Variants in WDR44 observed in about 807,000 individuals in gnomAD.
WDR44 encodes the protein WD repeat domain 44.
A neutral mutation model predicts 65.7 loss-of-function variants in WDR44; 9 were observed. The ratio of observed to expected loss-of-function variants is 0.14; its 90% CI spans 0.08 to 0.24. The LOEUF is 0.24. Ranked by LOEUF, WDR44 falls within the 10% of genes least tolerant of loss-of-function variation. The probability of loss-of-function intolerance (pLI) is 1.00; values close to 1 mark genes in which losing one functional copy is unlikely to be tolerated. For missense variants in WDR44, 425 were observed against 670.9 expected (o/e 0.63, Z 4.05); for synonymous variants, 220 against 235.2 (o/e 0.94, Z 0.59).
intron 10 of WDR44, among the ~76,000 whole-genome samples, chrX:118,407,515 AAAAG>A (rs1232581895): frequency 1.6e-3 from 173 of 110,593 alleles, no homozygotes; most frequent in Non-Finnish European, 2.7e-3. Context: ...AAAAAAAAAA[AAAAG>A]AAAGAAAGGA....
chrX:118,444,924 C>G (rs2057333606), intron 19 of WDR44: 2 of 329,306 alleles, frequency 6.1e-6, no homozygotes, highest in South Asian at 5.2e-5. Flanking sequence ...TAATGGTTGT[C>G]AGATATCCAT....
intron 2 of WDR44, among the ~76,000 whole-genome samples, chrX:118,378,735 T>TGTGTGTGTGTGTGTGTGTG (rs1556057149): frequency 1.0e-4 from 11 of 106,446 alleles, no homozygotes; most frequent in South Asian, 4.1e-4. Context: ...TGTGTGTGTG[T>TGTGTGTGTGTGTGTGTGTG]TGAAAAAGTG....
intron 12 of WDR44, among the ~76,000 whole-genome samples, chrX:118,424,390 A>G (rs2057139270): frequency 9.9e-6 from 1 of 100,545 alleles, no homozygotes; most frequent in Non-Finnish European, 2.0e-5. Context: ...GTGAGGTGAT[A>G]TATCATTGTG....
intron 16 of WDR44, 39 bp downstream of exon 16, chrX:118,442,384 T>C (rs1427100609): frequency 1.9e-6 from 2 of 1,074,259 alleles, no homozygotes; most frequent in African/African-American, 3.7e-5. Context: ...CCATACTATA[T>C]GTAGATTCTT....
At chrX:118,390,755 T>G (rs2056813265) in intron 3 of WDR44, among the ~76,000 whole-genome samples, 1 of 112,351 alleles carries the variant, frequency 8.9e-6, no homozygotes, top group African/African-American at 3.2e-5. Context: ...TTCCTTTGTA[T>G]CATCTTTCAC....
chrX:118,383,351 C>G (rs1196154846), intron 2 of WDR44, among the ~76,000 whole-genome samples: 1 of 111,334 alleles, frequency 9.0e-6, no homozygotes, highest in Non-Finnish European at 1.9e-5. Context: ...CAGTGACTCA[C>G]GCCTGTTATC....
Position 118,378,419 on chromosome X carries a change from G to C in WDR44, c.78G>C (p.Gly26=). 8.3e-7 allele frequency: 1 copy of C among 1,207,074 alleles called. No individual in the cohort carries two copies. The highest frequency in any genetic ancestry group is 1.1e-6 in the Non-Finnish European group (1 of 892,700). ...CCTCCTTACTTTTATTTCTGAACAG[G>C]TCTCCAGGAAAAGTTGGGCTTTCAA... is the stretch of plus-strand genomic sequence containing the variant. The part of the protein sequence containing the change: ...DVHLGGGYPV[G]SPGKVGLSTF... Residue 26 remains glycine (G), a splice_region_variant and synonymous_variant, in exon 2 of 20, where the codon GGG becomes GGC. Coordinates refer to ENST00000254029, the MANE Select transcript of WDR44 (RefSeq NM_019045.5).
chrX:118,346,348 C>T lies in WDR44; in HGVS notation c.-156C>T. The T allele has an allele frequency of 2.1e-6, 1 of 479,341 alleles. No individual in the cohort carries two copies. Among genetic ancestry groups the T allele is most frequent in the Admixed American group, 3.6e-5 (1 of 28,149 alleles). The allele number at this position is 479,341 out of a possible 1,213,427, so 39.5% of individuals were successfully genotyped here. On this transcript the variant is annotated 5_prime_UTR_variant, in exon 1 of 20. Coordinates refer to ENST00000254029, the MANE Select transcript of WDR44 (RefSeq NM_019045.5). Reference sequence around the variant, plus strand: ...CCGGCAACTGAGGGCGGCCCCCTTTCCTTAACAGTCTCCTCGCTACAGATC... The same window carrying T: ...CCGGCAACTGAGGGCGGCCCCCTTTTCTTAACAGTCTCCTCGCTACAGATC...
chrX:118,445,058 G>T (rs1273818601), intron 19 of WDR44: 1 of 315,628 alleles, frequency 3.2e-6, no homozygotes, highest in East Asian at 1.0e-4. Flanking sequence ...CACTTTGGGA[G>T]GCCAAGGCAG....
intron 12 of WDR44, among the ~76,000 whole-genome samples, chrX:118,418,800 C>T (rs1021459910): frequency 4.5e-5 from 5 of 110,641 alleles, no homozygotes; most frequent in Admixed American, 9.6e-5. Flanking sequence ...GAAGGCCCAT[C>T]AGGTGGGGGC....
At chrX:118,386,893 C>T (rs1434153982) in intron 2 of WDR44, among the ~76,000 whole-genome samples, 2 of 110,798 alleles carry the variant, frequency 1.8e-5, no homozygotes, top group Admixed American at 1.9e-4. Context: ...GAAATCTAAG[C>T]CCTTTAGGCT....
At position 118,369,458 on chromosome X, in the gene WDR44, A is replaced by T. The variant is rs931764864; in HGVS notation, c.78-8961A>T. 4.4e-4 allele frequency among the ~76,000 whole-genome samples: 41 copies of T among 94,095 alleles called. 2 individuals carry two copies. In the East Asian group the frequency reaches 5.9e-3, roughly 14 times the overall value. The allele number at this position is 94,095 out of a possible 115,157, so 81.7% of individuals were successfully genotyped here. On this transcript the variant is annotated intron_variant, in intron 1 of 19. Coordinates refer to ENST00000254029, the MANE Select transcript of WDR44 (RefSeq NM_019045.5). The stretch of plus-strand genomic sequence containing the variant: ...AGTGCTGGGATTACAGGTGTGAGCC[A>T]CCACGCCCGGCCTTTTTTTTTTTTT...
chrX:118,390,220 T>C (rs1249151664), intron 3 of WDR44, among the ~76,000 whole-genome samples: 4 of 110,893 alleles, frequency 3.6e-5, no homozygotes, highest in African/African-American at 1.3e-4. Context: ...CCGTGTCCGG[T>C]CACAGTGAGC....
chrX:118,369,698 G>C (rs1414883698), intron 1 of WDR44, among the ~76,000 whole-genome samples: 1 of 110,100 alleles, frequency 9.1e-6, no homozygotes, highest in African/African-American at 3.3e-5. Flanking sequence ...TCAATCTCCT[G>C]ACCTTGTGAT....
intron 1 of WDR44, among the ~76,000 whole-genome samples, chrX:118,371,917 A>G (rs2056616977): frequency 9.0e-6 from 1 of 110,976 alleles, no homozygotes; most frequent in Non-Finnish European, 1.9e-5. Context: ...TAATATGTAA[A>G]AAGGATAAAT....
intron 1 of WDR44, among the ~76,000 whole-genome samples, chrX:118,361,734 G>A (rs2056513695): frequency 9.0e-6 from 1 of 111,517 alleles, no homozygotes; most frequent in African/African-American, 3.3e-5. Flanking sequence ...CTACAGTCTG[G>A]GAAACAGAGA....
intron 10 of WDR44, 75 bp downstream of exon 10, chrX:118,407,101 CTCTT>C (rs1402017967): frequency 2.9e-6 from 3 of 1,035,418 alleles, no homozygotes; most frequent in East Asian, 3.1e-5. Flanking sequence ...ACAAAACTAT[CTCTT>C]TCTATGTATG....
intron 12 of WDR44, among the ~76,000 whole-genome samples, chrX:118,424,323 G>GTGTGTA (rs1289349202): frequency 6.1e-5 from 4 of 65,552 alleles, no homozygotes; most frequent in African/African-American, 4.0e-4. Context: ...GTGTGTGTGT[G>GTGTGTA]TATATATATA....
intron 1 of WDR44, among the ~76,000 whole-genome samples, chrX:118,370,476 A>G (rs1364793512): frequency 9.1e-6 from 1 of 110,489 alleles, no homozygotes; most frequent in Non-Finnish European, 1.9e-5. Context: ...TTGCTATGTG[A>G]TGCATCCCTT....
Sources: allele counts gnomAD v4.1 joint callset (sites outside exome capture counted in the v4.1 genomes callset), GRCh38; gene constraint gnomAD v4.1.1; transcripts MANE v1.5; gene names NCBI Gene and HGNC (gene_info 2026-07-23, HGNC 2026-07-21).